Variants in FARS2 observed in about 807,000 individuals in gnomAD.
FARS2 encodes phenylalanyl-tRNA synthetase 2, mitochondrial, also known as phenylalanine--tRNA ligase, mitochondrial.
In FARS2, 40 loss-of-function variants were observed where a neutral mutation model predicts 46.4. The observed-to-expected ratio is 0.86, with a 90% CI of 0.67 to 1.12. The LOEUF is 1.12. FARS2 is among the 50% of genes most tolerant of loss of function. FARS2 has a pLI of 0.00. For synonymous variants in FARS2, 234 were observed against 214.9 expected, an observed-to-expected ratio of 1.09 and a Z score of -0.78; for missense variants, 513 against 567.9, an observed-to-expected ratio of 0.90 and a Z score of 0.98.
intron 2 of FARS2, among the ~76,000 whole-genome samples, chr6:5,396,616 TTTG>T: frequency 6.6e-6 from 1 of 152,140 alleles, no homozygotes; most frequent in Non-Finnish European, 1.5e-5. Context: ...ATAAAATAAT[TTTG>T]TTACAATTTT....
chr6:5,732,812 C>CAAAAA (rs111399257), intron 6 of FARS2, among the ~76,000 whole-genome samples: 1,842 of 144,774 alleles, frequency 0.013, 40 homozygotes, highest in African/African-American at 0.045. Flanking sequence ...TCATATCCTT[C>CAAAAA]AAAAAAAAAA....
At chr6:5,265,433 C>A (rs576411251) in intron 1 of FARS2, among the ~76,000 whole-genome samples, 2 of 152,314 alleles carry the variant, frequency 1.3e-5, no homozygotes, top group African/African-American at 4.8e-5. Context: ...TAAATCATTT[C>A]TTCCCTTATG....
chr6:5,580,242 A>G (rs1213194023), intron 5 of FARS2, among the ~76,000 whole-genome samples: 2 of 142,680 alleles, frequency 1.4e-5, no homozygotes, highest in Non-Finnish European at 3.0e-5. Flanking sequence ...GTGACCCGAG[A>G]GCATGCCACT....
At chr6:5,403,213 G>C (rs562909452) in intron 2 of FARS2, among the ~76,000 whole-genome samples, 1 of 152,306 alleles carries the variant, frequency 6.6e-6, no homozygotes, top group South Asian at 2.1e-4. Flanking sequence ...CCAGTTAGAG[G>C]AAGTATGTCT....
At chr6:5,407,990 C>T (rs1027483064) in intron 3 of FARS2, among the ~76,000 whole-genome samples, 2 of 152,114 alleles carry the variant, frequency 1.3e-5, no homozygotes, top group East Asian at 3.8e-4. Context: ...CTGAATTTTT[C>T]CATTGCCAAA....
intron 6 of FARS2, among the ~76,000 whole-genome samples, chr6:5,653,866 G>A (rs1245683267): frequency 6.6e-6 from 1 of 151,954 alleles, no homozygotes; most frequent in African/African-American, 2.4e-5. Flanking sequence ...GTGGAGTGCG[G>A]GGAAGAGGAT....
chr6:5,317,378 T>C (rs1401759961), intron 1 of FARS2, among the ~76,000 whole-genome samples: 1 of 152,194 alleles, frequency 6.6e-6, no homozygotes, highest in African/African-American at 2.4e-5. Flanking sequence ...AGCAGTAATT[T>C]AAAGTCACTA....
chr6:5,604,887 CTT>C (rs777006059), intron 5 of FARS2, among the ~76,000 whole-genome samples: 24 of 152,108 alleles, frequency 1.6e-4, no homozygotes, highest in Non-Finnish European at 2.8e-4. Context: ...CATTGAATGA[CTT>C]TATTGGGTTT....
intron 4 of FARS2, among the ~76,000 whole-genome samples, chr6:5,479,704 C>T (rs1481535820): frequency 2.0e-5 from 3 of 152,178 alleles, no homozygotes; most frequent in South Asian, 2.1e-4. Context: ...CAGGCGGTAT[C>T]GTGTATATAA....
intron 2 of FARS2, among the ~76,000 whole-genome samples, chr6:5,381,349 G>T (rs1717569190): frequency 1.4e-5 from 2 of 148,060 alleles, no homozygotes; most frequent in African/African-American, 2.5e-5. Flanking sequence ...AGTCTGATGA[G>T]AAATTTGCAT....
chr6:5,631,087 C>T (rs746700564), intron 6 of FARS2, among the ~76,000 whole-genome samples: 1 of 152,140 alleles, frequency 6.6e-6, no homozygotes, highest in Non-Finnish European at 1.5e-5. Context: ...ACTTGACCTC[C>T]ACTCACCTCA....
At chr6:5,392,720 TAA>T (rs1185598509) in intron 2 of FARS2, among the ~76,000 whole-genome samples, 5 of 141,424 alleles carry the variant, frequency 3.5e-5, no homozygotes, top group African/African-American at 1.3e-4. Context: ...ACACTTGCTC[TAA>T]AATATATATA....
intron 3 of FARS2, among the ~76,000 whole-genome samples, chr6:5,418,415 T>G (rs1762360516): frequency 6.6e-6 from 1 of 152,138 alleles, no homozygotes; most frequent in Admixed American, 6.5e-5. Context: ...CAGTATAGAG[T>G]TTCGTCTGGG....
At chr6:5,298,957 G>T (rs1435749691) in intron 1 of FARS2, among the ~76,000 whole-genome samples, 1 of 151,170 alleles carries the variant, frequency 6.6e-6, no homozygotes, top group African/African-American at 2.4e-5. Context: ...CCTCACATAT[G>T]AAGGGAATTT....
chr6:5,553,199 TATA>T (rs1475413807), intron 5 of FARS2, among the ~76,000 whole-genome samples: 1 of 152,214 alleles, frequency 6.6e-6, no homozygotes, highest in Non-Finnish European at 1.5e-5. Context: ...GGCCACAGAC[TATA>T]ATATTTCTAA....
intron 4 of FARS2, among the ~76,000 whole-genome samples, chr6:5,477,194 AC>A (rs1377194153): frequency 6.6e-6 from 1 of 152,166 alleles, no homozygotes; most frequent in Non-Finnish European, 1.5e-5. Flanking sequence ...CAAAACCAAA[AC>A]CAAGTAAAGA....
At chr6:5,626,100 A>G (rs1261311903) in intron 6 of FARS2, among the ~76,000 whole-genome samples, 2 of 152,284 alleles carry the variant, frequency 1.3e-5, no homozygotes, top group Admixed American at 6.5e-5. Context: ...AAAGCAAGGT[A>G]GAATGTTCCA....
intron 1 of FARS2, among the ~76,000 whole-genome samples, chr6:5,264,766 C>T (rs1765435939): frequency 6.6e-6 from 1 of 152,032 alleles, no homozygotes; most frequent in Admixed American, 6.5e-5. Flanking sequence ...TTCCCCACCC[C>T]TAAGAAACTT....
chr6:5,762,270 A>G (rs1189883549), intron 6 of FARS2, among the ~76,000 whole-genome samples: 3 of 152,204 alleles, frequency 2.0e-5, no homozygotes, highest in Non-Finnish European at 4.4e-5. Context: ...AATTCCTTCA[A>G]AAACTCTTGT....
Sources: allele counts gnomAD v4.1 joint callset (sites outside exome capture counted in the v4.1 genomes callset), GRCh38; gene constraint gnomAD v4.1.1; transcripts MANE v1.5; gene names NCBI Gene and HGNC (gene_info 2026-07-23, HGNC 2026-07-21).